The following TRAK2 variants were observed in gnomAD, a reference collection of about 807,000 sequenced individuals.
TRAK2 encodes the protein trafficking kinesin-binding protein 2.
A neutral mutation model predicts 104.6 loss-of-function variants in TRAK2; 81 were observed. The ratio of observed to expected loss-of-function variants is 0.77; its 90% confidence interval spans 0.65 to 0.93. The LOEUF (loss-of-function observed/expected upper bound fraction) is 0.93, where lower values mean the gene tolerates loss of function less well. Ranked by LOEUF, TRAK2 falls within the 40% of genes least tolerant of loss-of-function variation. The pLI, the probability that TRAK2 is intolerant of heterozygous loss-of-function variation, is 0.00. For missense variants in TRAK2, 1,002 were observed against 1,089.0 expected (o/e 0.92, Z 1.12); for synonymous variants, 406 against 394.4 (o/e 1.03, Z -0.35).
At chr2:201,399,641 G>T in intron 4 of TRAK2, 148 bp from the exon 5 acceptor site, 1 of 582,814 alleles carries the variant, frequency 1.7e-6, no homozygotes. Flanking sequence ...ATAAACACAG[G>T]GTCTGGCACA....
Position 201,414,019 on chromosome 2 carries a change from T to C in TRAK2, c.91+6398A>G, listed in dbSNP as rs1047403900. ...CCTTTCAGAGCCTTAATTTCTCTCA[T>C]TTGTAAAATAAAGATCATTTATCAC... On this transcript the variant is annotated intron_variant, in intron 2 of 15. Transcript: ENST00000332624. 2.0e-5 allele frequency among the ~76,000 whole-genome samples: 3 copies of C among 152,200 alleles called. No homozygotes were observed. The East Asian group carries it at 5.8e-4, about 29-fold the overall frequency.
At chr2:201,449,516 C>G (rs1352500480) in intron 1 of TRAK2, among the ~76,000 whole-genome samples, 1 of 136,306 alleles carries the variant, frequency 7.3e-6, no homozygotes, top group Non-Finnish European at 1.5e-5. Context: ...CTGAGTTTCA[C>G]TCTTGTTGCC....
intron 3 of TRAK2, among the ~76,000 whole-genome samples, chr2:201,405,067 A>C (rs73988768): frequency 0.092 from 14,034 of 152,254 alleles, 1,427 homozygotes; most frequent in East Asian, 0.26. Context: ...AAGCTAGTAC[A>C]TGATGCATGG....
chr2:201,389,231 G>A (rs1951421036), intron 12 of TRAK2, 69 bp downstream of exon 12: 3 of 1,408,952 alleles, frequency 2.1e-6, no homozygotes, highest in East Asian at 4.6e-5. Flanking sequence ...ATGCTGGAAT[G>A]TGCGTATGTG....
intron 12 of TRAK2, 156 bp from the exon 13 acceptor site, chr2:201,388,157 A>G: frequency 1.4e-6 from 1 of 734,020 alleles, no homozygotes; most frequent in Non-Finnish European, 2.4e-6. Context: ...ACAAACCAAA[A>G]TCACCAACAA....
chr2:201,413,775 T>C (rs1016679829), intron 2 of TRAK2, among the ~76,000 whole-genome samples: 6 of 152,084 alleles, frequency 3.9e-5, no homozygotes, highest in Non-Finnish European at 5.9e-5. Flanking sequence ...TATCTGCCAT[T>C]TACAGGACAA....
intron 1 of TRAK2, among the ~76,000 whole-genome samples, chr2:201,424,976 GAAT>G (rs1303951191): frequency 2.0e-5 from 3 of 152,280 alleles, no homozygotes; most frequent in African/African-American, 4.8e-5. Context: ...GGAAGGCAAA[GAAT>G]AATATTATGT....
chr2:201,405,080 G>A (rs1951582143), intron 3 of TRAK2, among the ~76,000 whole-genome samples: 1 of 152,224 alleles, frequency 6.6e-6, no homozygotes, highest in Non-Finnish European at 1.5e-5. Context: ...ATGCATGGGT[G>A]ATAAGGTAAT....
intron 3 of TRAK2, among the ~76,000 whole-genome samples, chr2:201,403,426 T>G (rs1348545859): frequency 6.6e-6 from 1 of 152,132 alleles, no homozygotes; most frequent in Admixed American, 6.6e-5. Context: ...AAAACTCAGA[T>G]GATGTAAGAG....
At chr2:201,404,204 A>G (rs1040458579) in intron 3 of TRAK2, among the ~76,000 whole-genome samples, 1 of 152,220 alleles carries the variant, frequency 6.6e-6, no homozygotes. Context: ...TTCTGTAGCC[A>G]GGAATGTAGA....
Position 201,447,312 on chromosome 2 carries a change from C to G in TRAK2, c.-200+4038G>C, listed in dbSNP as rs137965484. Among the ~76,000 whole-genome samples, 354 of 152,292 alleles carry G rather than the reference C, an allele frequency of 2.3e-3. 2 individuals carry two copies. The highest frequency in any genetic ancestry group is 8.2e-3 in the African/African-American group (340 of 41,564). On this transcript the variant is annotated intron_variant, in intron 1 of 15. Transcript: ENST00000332624. This position sits in a 1 kb window ranked among gnomAD's most constrained non-coding sequence, Gnocchi z 4.1. ...CACCAAAAAACCTCAATCACCTAAC[C>G]ACAGCTTAAAGGCTTTTTGTATGTC...
chr2:201,388,077 TA>T, intron 12 of TRAK2, 76 bp from the exon 13 acceptor site: 1 of 1,450,174 alleles, frequency 6.9e-7, no homozygotes, highest in Non-Finnish European at 9.7e-7. Context: ...TCTATAATGG[TA>T]AGCATTCAAG....
chr2:201,450,232 T>A (rs907156002), intron 1 of TRAK2, among the ~76,000 whole-genome samples: 3 of 151,844 alleles, frequency 2.0e-5, no homozygotes, highest in Non-Finnish European at 4.4e-5. Flanking sequence ...CTGGCCAACA[T>A]GGTGAAACCC....
chr2:201,410,821 G>A, intron 2 of TRAK2: 5 of 1,606,768 alleles, frequency 3.1e-6, no homozygotes, highest in South Asian at 2.2e-5. Context: ...ATTAAGGGCA[G>A]ACATATCTGT....
chr2:201,421,131 G>C (rs1951737081), intron 1 of TRAK2, among the ~76,000 whole-genome samples: 1 of 152,098 alleles, frequency 6.6e-6, no homozygotes, highest in Non-Finnish European at 1.5e-5. Flanking sequence ...TTTTTAAAAA[G>C]ATAACTGTTT....
chr2:201,386,554 A>C (rs1447741464), intron 13 of TRAK2, 70 bp from the exon 14 acceptor site: 11 of 1,547,786 alleles, frequency 7.1e-6, no homozygotes, highest in Non-Finnish European at 8.9e-6. Context: ...AACACAAGCT[A>C]AAATTATATG....
Position 201,448,122 on chromosome 2 carries a change from C to T in TRAK2, c.-200+3228G>A, listed in dbSNP as rs139786933. Among the ~76,000 whole-genome samples, 5 of 152,356 alleles carry T rather than the reference C, an allele frequency of 3.3e-5. No homozygotes were observed. In the South Asian group the frequency reaches 1.0e-3, roughly 32 times the overall value. On this transcript the variant is annotated intron_variant, in intron 1 of 15. Coordinates refer to ENST00000332624, the MANE Select transcript of TRAK2 (RefSeq NM_015049.3). ...GTTCAAATCCTGATTCCACAGTTTA[C>T]TTATCTGTGACTCTGAGCAAGTCAT...
At chr2:201,391,060 C>G (rs1376513016) in intron 10 of TRAK2, among the ~76,000 whole-genome samples, 1 of 151,964 alleles carries the variant, frequency 6.6e-6, no homozygotes. Flanking sequence ...GGACTAGAAG[C>G]CACAATACTC....
intron 3 of TRAK2, among the ~76,000 whole-genome samples, chr2:201,404,044 C>T (rs1438502456): frequency 1.3e-5 from 2 of 152,154 alleles, no homozygotes; most frequent in Non-Finnish European, 2.9e-5. Context: ...GTTCTGTCTT[C>T]TCTTCCTTAA....
Sources: gnomAD v4.1 joint callset for allele counts (sites outside exome capture counted in the v4.1 genomes callset) on GRCh38, gnomAD v4.1.1 for gene constraint, Gnocchi (gnomAD v3.1) non-coding constraint, MANE v1.5 for transcripts, NCBI Gene and HGNC (gene_info 2026-07-23, HGNC 2026-07-21) for gene names.